The following PUDP variants were observed in gnomAD, a reference collection of about 807,000 sequenced individuals.
PUDP encodes the protein pseudouridine-5'-phosphatase.
A neutral mutation model predicts 9.4 loss-of-function variants in PUDP; 8 were observed. The observed-to-expected ratio is 0.85, with a 90% CI of 0.50 to 1.53. PUDP has a LOEUF of 1.53. Among genes scored for constraint, PUDP ranks in the 40% most tolerant of loss-of-function variants. The pLI is 0.00. For missense variants in PUDP, 188 were observed against 189.7 expected (o/e 0.99, Z 0.05); for synonymous variants, 99 against 80.7 (o/e 1.23, Z -1.22).
intron 1 of PUDP, among the ~76,000 whole-genome samples, chrX:7,106,656 G>A (rs1350254705): frequency 3.6e-5 from 4 of 111,439 alleles, no homozygotes; most frequent in African/African-American, 1.3e-4. Flanking sequence ...TACTGAGGAT[G>A]CTACTACAGT....
At chrX:7,139,461 T>C (rs1437481387) in intron 1 of PUDP, among the ~76,000 whole-genome samples, 2 of 111,681 alleles carry the variant, frequency 1.8e-5, no homozygotes, top group Non-Finnish European at 3.8e-5. Context: ...GGCAGGAAGA[T>C]TTGCTGGATA....
intron 3 of PUDP, among the ~76,000 whole-genome samples, chrX:6,861,384 C>T (rs1379649561): frequency 8.9e-6 from 1 of 111,835 alleles, no homozygotes; most frequent in South Asian, 3.8e-4. Context: ...AGGTTTTTAA[C>T]TGTGTATGGG....
At chrX:6,928,221 C>T (rs1237297593) in intron 3 of PUDP, among the ~76,000 whole-genome samples, 1 of 111,265 alleles carries the variant, frequency 9.0e-6, no homozygotes, top group Non-Finnish European at 1.9e-5. Context: ...TGTGAATCAC[C>T]GCACCTGGCC....
At chrX:7,131,796 A>AATTCCTT (rs1392551250) in intron 1 of PUDP, among the ~76,000 whole-genome samples, 2 of 105,470 alleles carry the variant, frequency 1.9e-5, no homozygotes, top group Admixed American at 2.1e-4. Flanking sequence ...ATAAAATGTG[A>AATTCCTT]ATTCCTTAGC....
chrX:7,090,044 T>C (rs1358448608), intron 2 of PUDP, among the ~76,000 whole-genome samples: 2 of 111,470 alleles, frequency 1.8e-5, no homozygotes, highest in Non-Finnish European at 3.8e-5. Flanking sequence ...GATAGGAAAT[T>C]TACCTCATGA....
At chrX:6,832,501 T>C (rs1231250367) in intron 3 of PUDP, among the ~76,000 whole-genome samples, 1 of 112,102 alleles carries the variant, frequency 8.9e-6, no homozygotes, top group Non-Finnish European at 1.9e-5. Context: ...ACTTGCAATT[T>C]TTCTCTAAAC....
intron 1 of PUDP, among the ~76,000 whole-genome samples, chrX:6,718,135 G>T (rs1029843808): frequency 9.0e-6 from 1 of 110,790 alleles, no homozygotes; most frequent in Non-Finnish European, 1.9e-5. Flanking sequence ...ATTTTCTCCC[G>T]CCTTGTAGGC....
Position 6,867,481 on chromosome X carries a change from G to A in PUDP, c.*247+109652C>T, listed in dbSNP as rs773697077. On this transcript the variant is annotated intron_variant and NMD_transcript_variant, in intron 3 of 3. Coordinates refer to the PUDP transcript ENST00000655425. Reference sequence around the variant, plus strand: ...AGTGATAATAGTGGTGATGGTGGTGGTGGTAGTGATGATGGTGGTGATGTT... The same window carrying A: ...AGTGATAATAGTGGTGATGGTGGTGATGGTAGTGATGATGGTGGTGATGTT... 2.7e-5 allele frequency among the ~76,000 whole-genome samples: 3 copies of A among 110,649 alleles called. No homozygotes were observed. In the South Asian group the frequency reaches 1.2e-3, roughly 43 times the overall value.
At chrX:6,896,230 T>C (rs1179187745) in intron 3 of PUDP, among the ~76,000 whole-genome samples, 2 of 111,162 alleles carry the variant, frequency 1.8e-5, no homozygotes, top group Non-Finnish European at 3.8e-5. Flanking sequence ...ATGCATTGAG[T>C]TGTTGTCGTT....
At chrX:7,024,084 A>G (rs147614935) in intron 1 of PUDP, among the ~76,000 whole-genome samples, 2,569 of 111,821 alleles carry the variant, frequency 0.023, 55 homozygotes, top group African/African-American at 0.078. Context: ...TAATAGTTCT[A>G]GTAGCTTTTT....
chrX:6,862,969 C>T (rs952145413), intron 3 of PUDP, among the ~76,000 whole-genome samples: 14 of 111,633 alleles, frequency 1.3e-4, no homozygotes, highest in African/African-American at 3.6e-4. Context: ...AAAGAACAGG[C>T]GAAGCTAAAT....
At chrX:7,027,754 T>C (rs1217647611) in intron 1 of PUDP, among the ~76,000 whole-genome samples, 1 of 98,898 alleles carries the variant, frequency 1.0e-5, no homozygotes, top group East Asian at 3.1e-4. Context: ...AGACTATATA[T>C]ATAGAATATA....
intron 3 of PUDP, among the ~76,000 whole-genome samples, chrX:7,052,315 G>A (rs1435064692): frequency 9.0e-6 from 1 of 111,448 alleles, no homozygotes; most frequent in African/African-American, 3.3e-5. Flanking sequence ...GGGATTACAG[G>A]TGTGTGCCAC....
intron 3 of PUDP, among the ~76,000 whole-genome samples, chrX:6,870,446 C>T (rs1004186550): frequency 1.8e-5 from 2 of 111,471 alleles, no homozygotes; most frequent in Admixed American, 1.9e-4. Context: ...AGGGGGAGTT[C>T]CCCAGTACAA....
At chrX:6,814,727 A>G (rs1314632785) in intron 3 of PUDP, among the ~76,000 whole-genome samples, 2 of 112,173 alleles carry the variant, frequency 1.8e-5, no homozygotes, top group Non-Finnish European at 3.8e-5. Context: ...ATTAAACACA[A>G]CATCCTGCTT....
chrX:7,045,642 G>A (rs778970596), downstream of PUDP, among the ~76,000 whole-genome samples: 3 of 111,729 alleles, frequency 2.7e-5, no homozygotes, highest in Non-Finnish European at 5.6e-5. Context: ...CCTAAGAGAT[G>A]AGCCTGGGCA....
chrX:7,054,877 C>T (rs757726559), intron 3 of PUDP, among the ~76,000 whole-genome samples: 12 of 111,708 alleles, frequency 1.1e-4, no homozygotes, highest in Middle Eastern at 4.6e-3. Context: ...TGGAGGTGGT[C>T]GATGATGGAA....
At chrX:7,014,052 G>T (rs188649984) in intron 1 of PUDP, among the ~76,000 whole-genome samples, 1 of 110,376 alleles carries the variant, frequency 9.1e-6, no homozygotes, top group Non-Finnish European at 1.9e-5. Flanking sequence ...GTGAGAAGAT[G>T]ATCTTCCCCT....
intron 3 of PUDP, among the ~76,000 whole-genome samples, chrX:6,798,251 C>T (rs182423457): frequency 7.2e-5 from 8 of 111,769 alleles, no homozygotes; most frequent in African/African-American, 2.6e-4. Context: ...TGCAGGAAAA[C>T]TCCTGTTTGT....
Sources: allele counts gnomAD v4.1 joint callset (sites outside exome capture counted in the v4.1 genomes callset), GRCh38; gene constraint gnomAD v4.1.1; transcripts MANE v1.5; gene names NCBI Gene and HGNC (gene_info 2026-07-23, HGNC 2026-07-21).